L3MBTL4: variants seen among roughly 807,000 people sequenced by gnomAD.
The protein encoded by L3MBTL4 is L3MBTL histone methyl-lysine binding protein 4, also known as lethal(3)malignant brain tumor-like protein 4.
A neutral mutation model predicts 84.5 loss-of-function variants in L3MBTL4; 70 were observed. That is an observed-to-expected ratio of 0.83 (90% CI 0.68 to 1.01). L3MBTL4 has a LOEUF of 1.01. Among genes scored for constraint, L3MBTL4 ranks in the 50% least tolerant of loss-of-function variants. The pLI is 0.00. For missense variants in L3MBTL4, 715 were observed against 754.8 expected (o/e 0.95, Z 0.62); for synonymous variants, 274 against 259.8 (o/e 1.05, Z -0.52).
intron 3 of L3MBTL4, 29 bp from the exon 4 acceptor site, chr18:6,301,986 G>A: frequency 6.4e-7 from 1 of 1,555,608 alleles, no homozygotes; most frequent in Non-Finnish European, 8.9e-7. Flanking sequence ...TGTTTAGATG[G>A]TATTGCTGGA....
intron 4 of L3MBTL4, among the ~76,000 whole-genome samples, chr18:6,281,791 A>G (rs2576283): frequency 0.032 from 4,816 of 152,320 alleles, 209 homozygotes; most frequent in African/African-American, 0.1. Context: ...CTACAGGTAA[A>G]TAGAAGTGCT....
At chr18:6,255,758 C>T (rs1390414010) in intron 5 of L3MBTL4, among the ~76,000 whole-genome samples, 1 of 110,048 alleles carries the variant, frequency 9.1e-6, no homozygotes, top group Admixed American at 9.7e-5. Flanking sequence ...AAACTGAAGG[C>T]AACAAAATAC....
chr18:5,975,765 C>G (rs1404735367), intron 16 of L3MBTL4, among the ~76,000 whole-genome samples: 1 of 152,200 alleles, frequency 6.6e-6, no homozygotes, highest in African/African-American at 2.4e-5. Context: ...CGTATGGGAA[C>G]AGGAGCTCCT....
intron 16 of L3MBTL4, among the ~76,000 whole-genome samples, chr18:6,062,066 C>T (rs1284694588): frequency 2.0e-5 from 3 of 151,752 alleles, no homozygotes; most frequent in Non-Finnish European, 2.9e-5. Context: ...TTTATTTTTC[C>T]TTCTCTAATG....
At chr18:6,261,115 T>C (rs2048381004) in intron 5 of L3MBTL4, among the ~76,000 whole-genome samples, 1 of 152,194 alleles carries the variant, frequency 6.6e-6, no homozygotes, top group South Asian at 2.1e-4. Context: ...ATAAATTCAT[T>C]ACTTGTGGGC....
At chr18:6,134,760 T>C (rs1311847860) in intron 14 of L3MBTL4, among the ~76,000 whole-genome samples, 1 of 152,182 alleles carries the variant, frequency 6.6e-6, no homozygotes, top group Non-Finnish European at 1.5e-5. Flanking sequence ...ACAGCCTCCC[T>C]CCTGGCTGCT....
chr18:6,223,261 C>T (rs924208177), intron 10 of L3MBTL4, among the ~76,000 whole-genome samples: 4 of 151,958 alleles, frequency 2.6e-5, no homozygotes, highest in African/African-American at 4.8e-5. Flanking sequence ...TTTAAAAATG[C>T]GGAAATAAAC....
chr18:6,282,500 C>T (rs1242479612), intron 4 of L3MBTL4, among the ~76,000 whole-genome samples: 1 of 152,004 alleles, frequency 6.6e-6, no homozygotes, highest in Non-Finnish European at 1.5e-5. Context: ...TACAAGGGTT[C>T]CACGGCAGGA....
At chr18:6,222,538 T>C (rs1195958700) in intron 10 of L3MBTL4, among the ~76,000 whole-genome samples, 1 of 152,212 alleles carries the variant, frequency 6.6e-6, no homozygotes, top group African/African-American at 2.4e-5. Flanking sequence ...TGGCAGGCAT[T>C]TGAGACAGAG....
At chr18:6,236,406 C>T (rs74964424) in intron 10 of L3MBTL4, among the ~76,000 whole-genome samples, 1,849 of 152,290 alleles carry the variant, frequency 0.012, 17 homozygotes, top group Non-Finnish European at 0.019. Context: ...TTAATGATGG[C>T]ATAATCCTGG....
chr18:6,241,981 TG>T (rs1202933427), intron 7 of L3MBTL4, among the ~76,000 whole-genome samples: 1 of 152,222 alleles, frequency 6.6e-6, no homozygotes, highest in Admixed American at 6.5e-5. Context: ...TCCAGCTTTC[TG>T]CGCCGCATCT....
At chr18:6,398,313 T>C (rs16950039) in intron 1 of L3MBTL4, among the ~76,000 whole-genome samples, 29,590 of 152,108 alleles carry the variant, frequency 0.19, 3,888 homozygotes, top group African/African-American at 0.36. Flanking sequence ...AAGGGAGAAG[T>C]GGCTCTGTAA....
At chr18:6,014,176 T>C (rs2054857762) in intron 16 of L3MBTL4, among the ~76,000 whole-genome samples, 1 of 152,170 alleles carries the variant, frequency 6.6e-6, no homozygotes, top group Non-Finnish European at 1.5e-5. Flanking sequence ...GTTTTAAAGG[T>C]GCTGTATAAA....
chr18:6,186,002 A>ATTTTATTTTATTTTATTTTATTT (rs542901226), intron 12 of L3MBTL4, among the ~76,000 whole-genome samples: 1 of 134,182 alleles, frequency 7.5e-6, no homozygotes, highest in African/African-American at 3.8e-5. Flanking sequence ...TTATTATTTT[A>ATTTTATTTTATTTTATTTTATTT]TATTTTATTT....
chr18:6,244,630 T>A (rs777016115), intron 5 of L3MBTL4, 42 bp from the exon 6 acceptor site: 2 of 1,340,232 alleles, frequency 1.5e-6, no homozygotes, highest in African/African-American at 2.9e-5. Flanking sequence ...TGAGATTTCA[T>A]CACAGTTTTA....
chr18:6,122,895 T>C (rs1401981365), intron 14 of L3MBTL4, among the ~76,000 whole-genome samples: 1 of 152,194 alleles, frequency 6.6e-6, no homozygotes, highest in Non-Finnish European at 1.5e-5. Context: ...CTTAGGAATG[T>C]TATTTCTTAG....
At chr18:6,411,963 T>G (rs1415366188) in intron 1 of L3MBTL4, among the ~76,000 whole-genome samples, 1 of 152,198 alleles carries the variant, frequency 6.6e-6, no homozygotes, top group Non-Finnish European at 1.5e-5. Context: ...ACTAAAATAA[T>G]ATTTTAGTAG....
intron 12 of L3MBTL4, among the ~76,000 whole-genome samples, chr18:6,173,361 G>T (rs1874859361): frequency 6.6e-6 from 1 of 152,128 alleles, no homozygotes; most frequent in Non-Finnish European, 1.5e-5. Flanking sequence ...CCTGATTGCA[G>T]CACACAGAGA....
intron 16 of L3MBTL4, among the ~76,000 whole-genome samples, chr18:6,035,790 A>G (rs58504864): frequency 0.015 from 2,357 of 152,286 alleles, 71 homozygotes; most frequent in African/African-American, 0.053. Flanking sequence ...AGCATGCAAA[A>G]CAGTGTGTAG....
Sources: allele counts gnomAD v4.1 joint callset (sites outside exome capture counted in the v4.1 genomes callset), GRCh38; gene constraint gnomAD v4.1.1; transcripts MANE v1.5; gene names NCBI Gene and HGNC (gene_info 2026-07-23, HGNC 2026-07-21).